The following BFSP1 variants were observed in gnomAD, a reference collection of about 807,000 sequenced individuals.
BFSP1 encodes beaded filament structural protein 1.
Under a neutral mutation model 43.9 loss-of-function variants are expected in BFSP1, and 38 were observed. The ratio of observed to expected loss-of-function variants is 0.87; its 90% CI spans 0.67 to 1.14. The LOEUF (loss-of-function observed/expected upper bound fraction) is 1.14. BFSP1 is among the 50% of genes most tolerant of loss of function. BFSP1 has a pLI of 0.00. For missense variants in BFSP1, 850 were observed against 875.1 expected (o/e 0.97, Z 0.36); for synonymous variants, 352 against 354.8 (o/e 0.99, Z 0.09).
intron 1 of BFSP1, among the ~76,000 whole-genome samples, chr20:17,568,072 T>C (rs1024055794): frequency 3.3e-5 from 5 of 151,706 alleles, no homozygotes; most frequent in South Asian, 2.1e-4. Context: ...ATGATCAAGG[T>C]AGTTAGAACT....
chr20:17,511,809 A>G (rs1369597569), intron 4 of BFSP1, among the ~76,000 whole-genome samples, 167 bp downstream of exon 4: 2 of 152,260 alleles, frequency 1.3e-5, no homozygotes, highest in African/African-American at 4.8e-5. Context: ...CATTTACAGT[A>G]CAAGTAAAAT....
upstream of BFSP1, among the ~76,000 whole-genome samples, chr20:17,532,404 CA>C (rs531941557): frequency 0.031 from 1,871 of 61,334 alleles, 21 homozygotes; most frequent in African/African-American, 0.047. Context: ...GACTCCGTCT[CA>C]AAAAAAAAAA....
chr20:17,539,594 T>A lies in BFSP1; in HGVS notation c.3-14686A>T, dbSNP rs184026099. Among the ~76,000 whole-genome samples the A allele has an allele frequency of 7.9e-3, 1,203 of 151,632 alleles. 10 individuals are homozygous for A. Among genetic ancestry groups the A allele is most frequent in the South Asian group, 0.014 (68 of 4,784 alleles). On this transcript the variant is annotated intron_variant, in intron 1 of 7. Coordinates refer to the BFSP1 transcript ENST00000377868. ...AAACCCTGTCGCTATATATAAAAAA[T>A]AATAATAATAATACAAAAAATTAGC...
In BFSP1 at chr20:17,497,054, A is replaced by G. The variant is rs763131108; in HGVS notation, c.957-31T>C. 32 of 1,488,404 alleles carry G rather than the reference A, an allele frequency of 2.1e-5. No individual in the cohort carries two copies. The South Asian group carries it at 4.2e-4, about 19-fold the overall frequency. The allele number at this position is 1,488,404 out of a possible 1,614,324, so 92.2% of individuals were successfully genotyped here. ...AGAAAGAACCAGAAAGAACAAGCCA[A>G]ACAGAGGTCAGGGGCAAGAGCGACT... On this transcript the variant is annotated intron_variant, in intron 6 of 7. Coordinates refer to ENST00000377873, the MANE Select transcript of BFSP1 (RefSeq NM_001195.5).
intron 1 of BFSP1, chr20:17,565,685 A>T (rs1442189220): frequency 6.6e-6 from 1 of 152,264 alleles, no homozygotes; most frequent in Non-Finnish European, 1.5e-5. Flanking sequence ...AACTGACATC[A>T]GTGGTTACCT....
At chr20:17,515,789 G>A (rs2034187147) in intron 2 of BFSP1, among the ~76,000 whole-genome samples, 1 of 152,186 alleles carries the variant, frequency 6.6e-6, no homozygotes. Context: ...CTGAGGCCTT[G>A]GGAAGTGAAT....
intron 1 of BFSP1, among the ~76,000 whole-genome samples, chr20:17,568,694 T>C (rs1392541154): frequency 6.6e-6 from 1 of 152,096 alleles, no homozygotes; most frequent in African/African-American, 2.4e-5. Context: ...GGCTTAGAAC[T>C]GCACAACTTA....
chr20:17,500,435 C>T (rs537856666), intron 5 of BFSP1, among the ~76,000 whole-genome samples: 2 of 152,192 alleles, frequency 1.3e-5, no homozygotes, highest in Admixed American at 6.5e-5. Flanking sequence ...TTGTGACAAC[C>T]GCAGCCATCC....
At chr20:17,532,692 AG>A (rs1349655428), upstream of BFSP1, among the ~76,000 whole-genome samples, 1 of 151,838 alleles carries the variant, frequency 6.6e-6, no homozygotes, top group Non-Finnish European at 1.5e-5. Context: ...TATAATTAAT[AG>A]CTAGACTTTG....
At chr20:17,515,654 A>T (rs565561125) in intron 2 of BFSP1, among the ~76,000 whole-genome samples, 1 of 152,334 alleles carries the variant, frequency 6.6e-6, no homozygotes, top group East Asian at 1.9e-4. Context: ...AGATTGTGCT[A>T]TGATGTCCAG....
intron 5 of BFSP1, among the ~76,000 whole-genome samples, chr20:17,505,757 T>G (rs563163287): frequency 6.6e-6 from 1 of 152,336 alleles, no homozygotes; most frequent in South Asian, 2.1e-4. Context: ...GTGTGGCTCC[T>G]GGACCAGCCG....
At chr20:17,497,471 C>CACACACAT (rs1010034113) in intron 6 of BFSP1, among the ~76,000 whole-genome samples, 2 of 144,518 alleles carry the variant, frequency 1.4e-5, no homozygotes, top group Non-Finnish European at 3.0e-5. Flanking sequence ...CACACACACA[C>CACACACAT]GTATATATAC....
intron 7 of BFSP1, among the ~76,000 whole-genome samples, 158 bp downstream of exon 7, chr20:17,496,780 C>A (rs1246842226): frequency 6.6e-6 from 1 of 152,072 alleles, no homozygotes; most frequent in Non-Finnish European, 1.5e-5. Context: ...ACTTAGCAAG[C>A]CAGAGAGGGC....
At chr20:17,522,464 G>A (rs1034769548) in intron 2 of BFSP1, among the ~76,000 whole-genome samples, 8 of 152,140 alleles carry the variant, frequency 5.3e-5, no homozygotes, top group Non-Finnish European at 1.0e-4. Flanking sequence ...AGGACCACCT[G>A]CATCTTATTC....
At chr20:17,545,537 A>G (rs1469499845) in intron 1 of BFSP1, among the ~76,000 whole-genome samples, 1 of 152,212 alleles carries the variant, frequency 6.6e-6, no homozygotes, top group Non-Finnish European at 1.5e-5. Context: ...GGTGTTAGAG[A>G]AGCAGGAGCC....
At chr20:17,501,634 C>A (rs2033804874) in intron 5 of BFSP1, among the ~76,000 whole-genome samples, 2 of 151,400 alleles carry the variant, frequency 1.3e-5, no homozygotes, top group Non-Finnish European at 2.9e-5. Context: ...AGCCATAGAT[C>A]TGTTGCATTA....
At chr20:17,526,383 T>C (rs915539050) in intron 1 of BFSP1, among the ~76,000 whole-genome samples, 1 of 152,204 alleles carries the variant, frequency 6.6e-6, no homozygotes, top group Admixed American at 6.5e-5. Flanking sequence ...TCTATGAATT[T>C]GACACGCCCA....
At chr20:17,550,452 G>A (rs1030582572) in intron 1 of BFSP1, among the ~76,000 whole-genome samples, 1 of 141,274 alleles carries the variant, frequency 7.1e-6, no homozygotes, top group African/African-American at 2.6e-5. Context: ...ATCAAAGCAT[G>A]ACTATAATCC....
At chr20:17,508,054 G>A (rs34579920) in intron 5 of BFSP1, among the ~76,000 whole-genome samples, 2,030 of 152,332 alleles carry the variant, frequency 0.013, 10 homozygotes, top group Non-Finnish European at 0.022. Context: ...AATGGTCCAG[G>A]CTTTCTGAAG....
Sources: allele counts gnomAD v4.1 joint callset (sites outside exome capture counted in the v4.1 genomes callset), GRCh38; gene constraint gnomAD v4.1.1; transcripts MANE v1.5; gene names NCBI Gene and HGNC (gene_info 2026-07-23, HGNC 2026-07-21).